Variants in MYO5B observed in about 807,000 individuals in gnomAD.
MYO5B encodes myosin VB, also known as unconventional myosin-Vb.
In MYO5B, 143 loss-of-function variants were observed where a neutral mutation model predicts 229.3. The ratio of observed to expected loss-of-function variants is 0.62; its 90% CI spans 0.54 to 0.72. MYO5B has a LOEUF of 0.72. MYO5B is among the 30% of genes least tolerant of loss of function. MYO5B has a pLI of 0.00. For missense variants in MYO5B, 2,321 were observed against 2,331.0 expected, an observed-to-expected ratio of 1.00 and a Z score of 0.09; for synonymous variants, 918 against 885.2, an observed-to-expected ratio of 1.04 and a Z score of -0.66.
chr18:50,068,060 C>CAG (rs1274824099), intron 1 of MYO5B, among the ~76,000 whole-genome samples: 2 of 151,664 alleles, frequency 1.3e-5, no homozygotes, highest in Non-Finnish European at 2.9e-5. Flanking sequence ...CACACACACA[C>CAG]ACAACACTTT....
At chr18:50,192,221 T>G (rs1472615465) in intron 1 of MYO5B, among the ~76,000 whole-genome samples, 1 of 152,246 alleles carries the variant, frequency 6.6e-6, no homozygotes, top group Non-Finnish European at 1.5e-5. Flanking sequence ...TCGCACTTGA[T>G]GGATACCAAA....
At position 49,894,764 on chromosome 18, in the gene MYO5B, G is replaced by A. The variant is rs149116681; in HGVS notation, c.3045+177C>T. Among the ~76,000 whole-genome samples the A allele has an allele frequency of 9.2e-5, 14 of 152,360 alleles. 1 individual carries two copies. In the East Asian group the frequency reaches 2.5e-3, roughly 27 times the overall value. On this transcript the variant is annotated intron_variant, in intron 22 of 39. Transcript: ENST00000285039. The stretch of plus-strand genomic sequence containing the variant: ...ACAGCAGAAGCGCAGTCATGCTTGT[G>A]TGGGTTTCCCCAAAGCATGCCACTT...
chr18:50,046,446 G>A (rs1031033058), intron 2 of MYO5B, among the ~76,000 whole-genome samples: 4 of 152,174 alleles, frequency 2.6e-5, no homozygotes, highest in Non-Finnish European at 5.9e-5. Context: ...TTCCCTAATT[G>A]TAAGATGGGA....
chr18:49,980,593 G>A (rs1279516899), intron 8 of MYO5B, 40 bp from the exon 9 acceptor site: 2 of 1,418,528 alleles, frequency 1.4e-6, no homozygotes, highest in Admixed American at 3.3e-5. Context: ...CAGTATCCAT[G>A]GTCGGACAGA....
intron 1 of MYO5B, among the ~76,000 whole-genome samples, chr18:50,144,770 C>A (rs2032473980): frequency 6.6e-6 from 1 of 152,126 alleles, no homozygotes; most frequent in Admixed American, 6.5e-5. Flanking sequence ...GTGAAAGGCC[C>A]TTTGCCACAC....
intron 32 of MYO5B, among the ~76,000 whole-genome samples, chr18:49,849,225 C>A (rs9675880): frequency 2.9e-4 from 44 of 152,160 alleles, no homozygotes; most frequent in African/African-American, 9.9e-4. Context: ...CTTTGTGTTA[C>A]ACAGCATTCT....
chr18:49,930,156 C>T (rs879495784), intron 16 of MYO5B, among the ~76,000 whole-genome samples: 6 of 152,186 alleles, frequency 3.9e-5, no homozygotes, highest in Non-Finnish European at 5.9e-5. Flanking sequence ...TGGGGGAAAA[C>T]AGCAGTACCT....
intron 8 of MYO5B, among the ~76,000 whole-genome samples, chr18:49,980,879 C>T (rs2025807364): frequency 6.6e-6 from 1 of 152,240 alleles, no homozygotes; most frequent in African/African-American, 2.4e-5. Context: ...TTCATTTCAA[C>T]CAAACACTTT....
At chr18:50,036,748 T>TCAC in intron 4 of MYO5B, 102 bp downstream of exon 4, 15 of 1,393,040 alleles carry the variant, frequency 1.1e-5, no homozygotes, top group Non-Finnish European at 1.5e-5. Context: ...TCAGTCCCAA[T>TCAC]CTCACCACCT....
At chr18:49,986,172 C>T (rs2025868400) in intron 7 of MYO5B, among the ~76,000 whole-genome samples, 1 of 152,172 alleles carries the variant, frequency 6.6e-6, no homozygotes, top group African/African-American at 2.4e-5. Context: ...TTCCCCATCT[C>T]TATGTTCCAG....
chr18:50,036,800 T>A (rs1357457626), intron 4 of MYO5B, 50 bp downstream of exon 4: 1 of 1,609,806 alleles, frequency 6.2e-7, no homozygotes, highest in Admixed American at 1.7e-5. Context: ...AAACTCCCCT[T>A]CCTGCCCACT....
At chr18:49,966,313 T>C (rs2025625035) in intron 10 of MYO5B, among the ~76,000 whole-genome samples, 1 of 152,062 alleles carries the variant, frequency 6.6e-6, no homozygotes, top group African/African-American at 2.4e-5. Flanking sequence ...TAATTCTAGG[T>C]TGAAAAAACA....
intron 10 of MYO5B, among the ~76,000 whole-genome samples, chr18:49,972,819 G>A (rs919345024): frequency 2.0e-5 from 3 of 151,950 alleles, no homozygotes; most frequent in Admixed American, 2.0e-4. Context: ...AGAGGAGAAG[G>A]GGCCTGCCTG....
Position 49,942,808 on chromosome 18 carries a change from G to C in MYO5B, c.1753-5411C>G, listed in dbSNP as rs549249176. Among the ~76,000 whole-genome samples, 5 of 152,242 alleles carry C rather than the reference G, an allele frequency of 3.3e-5. No homozygotes were observed. In the South Asian group the frequency reaches 1.0e-3, roughly 32 times the overall value. ...CAACCATTGTGGAAGTTGGTGTGGC[G>C]ATTCCTCAGGGATCTAGAACTAGAA... is the stretch of plus-strand genomic sequence containing the variant. On this transcript the variant is annotated intron_variant, in intron 14 of 39. Coordinates refer to ENST00000285039, the MANE Select transcript of MYO5B (RefSeq NM_001080467.3).
At chr18:50,187,878 A>G (rs554902228) in intron 1 of MYO5B, among the ~76,000 whole-genome samples, 2 of 152,220 alleles carry the variant, frequency 1.3e-5, no homozygotes, top group African/African-American at 4.8e-5. Flanking sequence ...CTGTCACTAG[A>G]GGGGGGCAGG....
intron 14 of MYO5B, among the ~76,000 whole-genome samples, chr18:49,943,359 T>TA (rs960482475): frequency 2.7e-5 from 4 of 150,612 alleles, no homozygotes; most frequent in Admixed American, 6.6e-5. Context: ...AAAGTATAAT[T>TA]AAAAAAAAAA....
intron 1 of MYO5B, among the ~76,000 whole-genome samples, chr18:50,093,431 A>G (rs1412168112): frequency 6.6e-6 from 1 of 152,200 alleles, no homozygotes; most frequent in African/African-American, 2.4e-5. Flanking sequence ...TAGTGTTGTT[A>G]CAAGGGCAAA....
At chr18:50,007,609 T>A (rs2026116989) in intron 4 of MYO5B, among the ~76,000 whole-genome samples, 2 of 152,216 alleles carry the variant, frequency 1.3e-5, no homozygotes, top group Admixed American at 6.5e-5. Flanking sequence ...CATGCCACTC[T>A]TCTACTGGAT....
At chr18:49,863,366 A>G (rs2144078636) in intron 28 of MYO5B, 39 bp from the exon 29 acceptor site, 1 of 1,564,802 alleles carries the variant, frequency 6.4e-7, no homozygotes, top group East Asian at 2.2e-5. Flanking sequence ...CTGGTTAAAC[A>G]ATTGCCACAA....
Sources: gnomAD v4.1 joint callset for allele counts (sites outside exome capture counted in the v4.1 genomes callset) on GRCh38, gnomAD v4.1.1 for gene constraint, MANE v1.5 for transcripts, NCBI Gene and HGNC (gene_info 2026-07-23, HGNC 2026-07-21) for gene names.